The following EGFR variants were observed in gnomAD, a reference collection of about 807,000 sequenced individuals.
EGFR encodes the protein epidermal growth factor receptor.
In EGFR, 58 loss-of-function variants were observed where a neutral mutation model predicts 143.0. That is an observed-to-expected ratio of 0.41 (90% CI 0.33 to 0.50). The LOEUF (loss-of-function observed/expected upper bound fraction) is 0.50, where lower values mean the gene tolerates loss of function less well. Ranked by LOEUF, EGFR falls within the 20% of genes least tolerant of loss-of-function variation. EGFR has a pLI of 0.39. For synonymous variants in EGFR, 613 were observed against 594.4 expected, an observed-to-expected ratio of 1.03 and a Z score of -0.45; for missense variants, 1,307 against 1,579.0, an observed-to-expected ratio of 0.83 and a Z score of 2.92.
intron 1 of EGFR, among the ~76,000 whole-genome samples, chr7:55,134,704 AGT>A (rs1389544055): frequency 3.5e-4 from 54 of 152,366 alleles, no homozygotes; most frequent in African/African-American, 1.3e-3. Context: ...AAAAATGGAA[AGT>A]GATTTAAGAT....
chr7:55,054,775 TTC>T (rs1788696246), intron 1 of EGFR, among the ~76,000 whole-genome samples: 7 of 152,202 alleles, frequency 4.6e-5, no homozygotes, highest in Non-Finnish European at 8.8e-5. Flanking sequence ...GTGCCTCTGC[TTC>T]CTTCTGGCAT....
At chr7:55,138,247 T>G (rs1485819123) in intron 1 of EGFR, among the ~76,000 whole-genome samples, 1 of 152,222 alleles carries the variant, frequency 6.6e-6, no homozygotes, top group Non-Finnish European at 1.5e-5. Context: ...AAGTCCTAAG[T>G]CATAGGGCCT....
chr7:55,088,617 A>G (rs574770916), intron 1 of EGFR, among the ~76,000 whole-genome samples: 1 of 152,236 alleles, frequency 6.6e-6, no homozygotes, highest in Non-Finnish European at 1.5e-5. Context: ...TCCTCTGGGC[A>G]TGCGACCTTT....
intron 1 of EGFR, among the ~76,000 whole-genome samples, chr7:55,030,043 G>C (rs1787160783): frequency 6.6e-6 from 1 of 152,152 alleles, no homozygotes; most frequent in Non-Finnish European, 1.5e-5. Flanking sequence ...ACAGGATTGG[G>C]ATAGCTTTCC....
chr7:55,204,176 GAC>G (rs910086619), intron 27 of EGFR, among the ~76,000 whole-genome samples: 1 of 145,172 alleles, frequency 6.9e-6, no homozygotes, highest in Non-Finnish European at 1.5e-5. Flanking sequence ...CATACACACA[GAC>G]ACACACGACA....
chr7:55,050,021 A>G (rs1194965231), intron 1 of EGFR, among the ~76,000 whole-genome samples: 1 of 152,168 alleles, frequency 6.6e-6, no homozygotes, highest in African/African-American at 2.4e-5. Flanking sequence ...TCTTCTGCCA[A>G]GCCTCCTCTC....
At chr7:55,178,692 AT>A (rs1263212666) in intron 19 of EGFR, among the ~76,000 whole-genome samples, 1 of 152,208 alleles carries the variant, frequency 6.6e-6, no homozygotes, top group Non-Finnish European at 1.5e-5. Flanking sequence ...TTAAAGGGAT[AT>A]TTTCAATATC....
At position 55,206,148 on chromosome 7, in the gene EGFR, G is replaced by T. The variant is rs1382600753; in HGVS notation, c.*531G>T. On this transcript the variant is annotated 3_prime_UTR_variant, in exon 28 of 28. Transcript: ENST00000275493. ...TGCAAAACACTAAAGATCCAAGAAG[G>T]CCTTCATGGCCCCAGCAGGCCGGAT... is the stretch of plus-strand genomic sequence containing the variant. The T allele has an allele frequency of 3.5e-5, 10 of 289,208 alleles. 1 individual carries two copies. In the East Asian group the frequency reaches 5.4e-4, roughly 16 times the overall value. The allele number at this position is 289,208 out of a possible 1,614,324, so 17.9% of individuals were successfully genotyped here.
At chr7:55,043,138 A>G (rs897089851) in intron 1 of EGFR, among the ~76,000 whole-genome samples, 6 of 152,196 alleles carry the variant, frequency 3.9e-5, no homozygotes, top group Non-Finnish European at 7.3e-5. Flanking sequence ...GCATGGCCGT[A>G]GACTCAATGT....
At chr7:55,204,348 G>A (rs1387945722) in intron 27 of EGFR, among the ~76,000 whole-genome samples, 2 of 129,574 alleles carry the variant, frequency 1.5e-5, no homozygotes, top group Non-Finnish European at 3.2e-5. Flanking sequence ...ACATATGTAT[G>A]CACACATACA....
intron 1 of EGFR, among the ~76,000 whole-genome samples, chr7:55,026,096 A>G (rs141955860): frequency 0.017 from 2,660 of 152,268 alleles, 65 homozygotes; most frequent in African/African-American, 0.06. Context: ...AGACCAGGAC[A>G]ATCAGTATTT....
chr7:55,029,298 C>A (rs879565808), intron 1 of EGFR, among the ~76,000 whole-genome samples: 1 of 152,182 alleles, frequency 6.6e-6, no homozygotes, highest in Non-Finnish European at 1.5e-5. Flanking sequence ...AATAGAGAAT[C>A]AGAAACCTTA....
At chr7:55,076,474 C>G (rs1790136783) in intron 1 of EGFR, among the ~76,000 whole-genome samples, 1 of 152,182 alleles carries the variant, frequency 6.6e-6, no homozygotes, top group South Asian at 2.1e-4. Context: ...TTTTAGGACA[C>G]TCTGTGGCCT....
chr7:55,053,441 G>C (rs1788606868), intron 1 of EGFR, among the ~76,000 whole-genome samples: 1 of 152,234 alleles, frequency 6.6e-6, no homozygotes, highest in South Asian at 2.1e-4. Context: ...GTGGCAACTT[G>C]TGAAGACCAT....
intron 1 of EGFR, among the ~76,000 whole-genome samples, chr7:55,121,601 G>T (rs1364036259): frequency 1.3e-5 from 2 of 152,212 alleles, no homozygotes. Flanking sequence ...CTATAGTTTT[G>T]TTCTCTCCAT....
intron 15 of EGFR, 96 bp downstream of exon 15, chr7:55,165,533 T>C: frequency 6.7e-7 from 1 of 1,491,886 alleles, no homozygotes; most frequent in South Asian, 1.3e-5. Context: ...ATTGCCGAGG[T>C]TTGTATTTGA....
intron 1 of EGFR, among the ~76,000 whole-genome samples, chr7:55,085,834 G>A (rs767799165): frequency 1.3e-4 from 20 of 152,116 alleles, no homozygotes; most frequent in Non-Finnish European, 2.2e-4. Context: ...AAGGAAATGA[G>A]GAGCCACAGT....
At chr7:55,107,688 A>G (rs1792220978) in intron 1 of EGFR, among the ~76,000 whole-genome samples, 1 of 152,250 alleles carries the variant, frequency 6.6e-6, no homozygotes, top group African/African-American at 2.4e-5. Flanking sequence ...CAAATTCTCA[A>G]GGCCACAGAT....
chr7:55,118,075 C>T (rs1792976343), intron 1 of EGFR, among the ~76,000 whole-genome samples: 2 of 152,138 alleles, frequency 1.3e-5, no homozygotes, highest in South Asian at 4.2e-4. Flanking sequence ...TTTTAAAGTG[C>T]CCAGCACAAG....
Sources: allele counts gnomAD v4.1 joint callset (sites outside exome capture counted in the v4.1 genomes callset), GRCh38; gene constraint gnomAD v4.1.1; transcripts MANE v1.5; gene names NCBI Gene and HGNC (gene_info 2026-07-23, HGNC 2026-07-21).